The following ATP8B4 variants were observed in gnomAD, a reference collection of about 807,000 sequenced individuals.
ATP8B4 encodes ATPase phospholipid transporting 8B4 (putative).
Under a neutral mutation model 145.6 loss-of-function variants are expected in ATP8B4, and 133 were observed. The observed-to-expected ratio is 0.91, with a 90% CI of 0.79 to 1.05. ATP8B4 has a LOEUF of 1.05. ATP8B4 is among the 50% of genes least tolerant of loss of function. The pLI, the probability that ATP8B4 is intolerant of heterozygous loss-of-function variation, is 0.00. For missense variants in ATP8B4, 1,458 were observed against 1,425.2 expected, an observed-to-expected ratio of 1.02 and a Z score of -0.37; for synonymous variants, 507 against 492.9, an observed-to-expected ratio of 1.03 and a Z score of -0.38.
At chr15:50,021,277 T>G (rs753643216) in intron 6 of ATP8B4, among the ~76,000 whole-genome samples, 2 of 152,242 alleles carry the variant, frequency 1.3e-5, no homozygotes, top group African/African-American at 4.8e-5. Context: ...ATTCTGCTCT[T>G]GTCTCTCTCT....
upstream of ATP8B4, among the ~76,000 whole-genome samples, chr15:50,120,808 A>G (rs1489290960): frequency 1.3e-5 from 2 of 152,190 alleles, no homozygotes; most frequent in Non-Finnish European, 2.9e-5. Flanking sequence ...AAAAGAGGGT[A>G]GAATTGGAGT....
intron 1 of ATP8B4, among the ~76,000 whole-genome samples, chr15:50,147,437 A>T (rs2044292453): frequency 7.0e-6 from 1 of 142,508 alleles, no homozygotes. Context: ...AAAAAAAAAA[A>T]AAAAGTATAT....
intron 23 of ATP8B4, among the ~76,000 whole-genome samples, chr15:49,889,786 T>C (rs545145240): frequency 3.9e-5 from 6 of 152,354 alleles, no homozygotes; most frequent in Admixed American, 2.6e-4. Context: ...TGTCACTTCA[T>C]TAAATAATTA....
intron 23 of ATP8B4, among the ~76,000 whole-genome samples, chr15:49,893,895 G>A (rs2037102744): frequency 6.6e-6 from 1 of 152,168 alleles, no homozygotes; most frequent in Non-Finnish European, 1.5e-5. Context: ...TTTAGACAAT[G>A]CCTGAAACAT....
rs374525582 is a variant in ATP8B4, at chr15:50,072,980, C to CTATATATA, written c.87+1139_87+1146dup. Among the ~76,000 whole-genome samples the CTATATATA allele has an allele frequency of 1.9e-3, 44 of 22,854 alleles. 1 individual carries two copies. The highest frequency in any genetic ancestry group is 2.6e-3 in the Non-Finnish European group (35 of 13,412). 15.0% of individuals were successfully genotyped at this position (22,854 alleles called of 152,430 possible). Reference sequence around the variant, plus strand: ...TCTCTCTCTCTCTCTCTCTCTCTCTCTATATATATATATATATATATATAT... The same window carrying CTATATATA: ...TCTCTCTCTCTCTCTCTCTCTCTCTCTATATATATATATATATATATATATATATATAT... On this transcript the variant is annotated intron_variant, in intron 3 of 27. Coordinates refer to ENST00000284509, the MANE Select transcript of ATP8B4 (RefSeq NM_024837.4).
chr15:49,930,416 G>C (rs1207435073), intron 16 of ATP8B4, among the ~76,000 whole-genome samples: 6 of 152,144 alleles, frequency 3.9e-5, no homozygotes, highest in African/African-American at 1.4e-4. Context: ...ATGGAAAAAG[G>C]CACTAAATAT....
chr15:49,940,491 C>T (rs1022693209), intron 14 of ATP8B4, among the ~76,000 whole-genome samples: 21 of 151,972 alleles, frequency 1.4e-4, no homozygotes, highest in Non-Finnish European at 1.6e-4. Flanking sequence ...CTCAAATCTC[C>T]GCATCATGCA....
At chr15:49,910,348 G>GA (rs1445999834) in intron 20 of ATP8B4, among the ~76,000 whole-genome samples, 2 of 152,132 alleles carry the variant, frequency 1.3e-5, no homozygotes, top group Non-Finnish European at 2.9e-5. Context: ...TAACGTGCGA[G>GA]ACAACATAAA....
intron 1 of ATP8B4, among the ~76,000 whole-genome samples, chr15:50,147,623 C>T (rs996848944): frequency 2.3e-4 from 35 of 152,178 alleles, no homozygotes; most frequent in African/African-American, 8.2e-4. Context: ...GATCCTGGAA[C>T]ATCTTTTGTT....
chr15:50,051,161 A>C (rs952233233), intron 3 of ATP8B4, among the ~76,000 whole-genome samples: 4 of 152,172 alleles, frequency 2.6e-5, no homozygotes, highest in African/African-American at 9.7e-5. Context: ...CATGATAGTG[A>C]GTGAGTTTTC....
chr15:50,101,796 T>C (rs1264496723), intron 2 of ATP8B4, among the ~76,000 whole-genome samples: 1 of 152,126 alleles, frequency 6.6e-6, no homozygotes, highest in East Asian at 1.9e-4. Flanking sequence ...ACACATTCTA[T>C]TCATCAGCAC....
intron 11 of ATP8B4, among the ~76,000 whole-genome samples, chr15:49,980,484 G>A (rs866489513): frequency 3.3e-5 from 5 of 152,200 alleles, no homozygotes; most frequent in Middle Eastern, 6.8e-3. Flanking sequence ...AGGTAGCACA[G>A]GATTAACTGA....
intron 2 of ATP8B4, among the ~76,000 whole-genome samples, chr15:50,074,810 CAG>C (rs1408097501): frequency 1.3e-5 from 2 of 152,118 alleles, no homozygotes; most frequent in Non-Finnish European, 2.9e-5. Flanking sequence ...AAGATTATGA[CAG>C]TGCAGAATAA....
intron 20 of ATP8B4, among the ~76,000 whole-genome samples, chr15:49,906,617 T>C (rs1353160466): frequency 1.3e-5 from 2 of 152,166 alleles, no homozygotes; most frequent in Non-Finnish European, 2.9e-5. Flanking sequence ...AGCACCAAAA[T>C]AGGGCTTTGA....
intron 2 of ATP8B4, among the ~76,000 whole-genome samples, chr15:50,087,020 T>TAC (rs2055191998): frequency 8.6e-6 from 1 of 116,716 alleles, no homozygotes; most frequent in Non-Finnish European, 1.6e-5. Flanking sequence ...TCTATATTAT[T>TAC]ATATATAATA....
intron 13 of ATP8B4, among the ~76,000 whole-genome samples, chr15:49,966,225 G>A (rs560622673): frequency 4.6e-4 from 70 of 152,212 alleles, no homozygotes; most frequent in African/African-American, 1.6e-3. Context: ...AGCTGCAGGA[G>A]TTTTTTTTCA....
intron 20 of ATP8B4, among the ~76,000 whole-genome samples, chr15:49,901,545 G>T (rs1189914151): frequency 1.3e-5 from 2 of 152,106 alleles, no homozygotes; most frequent in African/African-American, 4.8e-5. Context: ...GATAGATTTG[G>T]TACTTAAGAC....
At chr15:50,145,134 T>C (rs889026830) in intron 1 of ATP8B4, among the ~76,000 whole-genome samples, 6 of 152,244 alleles carry the variant, frequency 3.9e-5, no homozygotes, top group Non-Finnish European at 8.8e-5. Context: ...TTTAGTTTAC[T>C]TTTTGGCTTT....
chr15:50,158,204 G>C (rs926193796), intron 1 of ATP8B4, among the ~76,000 whole-genome samples: 2 of 152,128 alleles, frequency 1.3e-5, no homozygotes, highest in Non-Finnish European at 2.9e-5. Flanking sequence ...GAGCGTCTCT[G>C]CCTGGCCGCC....
Sources: gnomAD v4.1 joint callset for allele counts (sites outside exome capture counted in the v4.1 genomes callset) on GRCh38, gnomAD v4.1.1 for gene constraint, MANE v1.5 for transcripts, NCBI Gene and HGNC (gene_info 2026-07-23, HGNC 2026-07-21) for gene names.